Variants in MTHFD1L observed in about 807,000 individuals in gnomAD.
MTHFD1L encodes methylenetetrahydrofolate dehydrogenase (NADP+ dependent) 1 like.
MTHFD1L carries 81 observed loss-of-function variants against 119.5 expected under a neutral mutation model. That is an observed-to-expected ratio of 0.68 (90% CI 0.57 to 0.82). The LOEUF (loss-of-function observed/expected upper bound fraction) is 0.82. MTHFD1L is among the 40% of genes least tolerant of loss of function. The pLI is 0.00. For missense variants in MTHFD1L, 1,125 were observed against 1,253.4 expected, an observed-to-expected ratio of 0.90 and a Z score of 1.55; for synonymous variants, 430 against 475.2, an observed-to-expected ratio of 0.90 and a Z score of 1.24.
intron 24 of MTHFD1L, among the ~76,000 whole-genome samples, chr6:151,033,247 G>T (rs1785608545): frequency 6.6e-6 from 1 of 151,932 alleles, no homozygotes; most frequent in African/African-American, 2.4e-5. Context: ...AGCCTCCTGA[G>T]TAGCTGGGAT....
At chr6:150,870,416 G>A (rs1779192956) in intron 1 of MTHFD1L, among the ~76,000 whole-genome samples, 2 of 152,052 alleles carry the variant, frequency 1.3e-5, no homozygotes, top group African/African-American at 4.8e-5. Flanking sequence ...TATTAGCTTG[G>A]GTGGTAGTAG....
intron 27 of MTHFD1L, among the ~76,000 whole-genome samples, chr6:151,096,256 G>A (rs1427650943): frequency 1.3e-4 from 20 of 152,302 alleles, no homozygotes; most frequent in Non-Finnish European, 1.5e-5. Context: ...AATAGAGCCA[G>A]CTCTTTCCTA....
At chr6:151,008,385 C>T (rs1699062816) in intron 20 of MTHFD1L, among the ~76,000 whole-genome samples, 1 of 152,214 alleles carries the variant, frequency 6.6e-6, no homozygotes, top group Admixed American at 6.5e-5. Flanking sequence ...TGTATTAACT[C>T]AGTAGTATTC....
intron 26 of MTHFD1L, among the ~76,000 whole-genome samples, chr6:151,056,992 T>G: frequency 6.6e-6 from 1 of 152,198 alleles, no homozygotes; most frequent in East Asian, 1.9e-4. Flanking sequence ...ATTTGTATTT[T>G]GGGGTTTTTT....
intron 27 of MTHFD1L, chr6:151,099,758 T>C: frequency 6.2e-7 from 1 of 1,609,522 alleles, no homozygotes; most frequent in Non-Finnish European, 8.5e-7. Flanking sequence ...CGGAAGTTCC[T>C]GGTCCACAAC....
intron 26 of MTHFD1L, among the ~76,000 whole-genome samples, chr6:151,068,779 A>G (rs1051647126): frequency 6.6e-6 from 1 of 152,236 alleles, no homozygotes; most frequent in Non-Finnish European, 1.5e-5. Context: ...AGCTTTCTTC[A>G]GTAGGCACGA....
At chr6:150,961,654 A>C (rs903364270) in intron 18 of MTHFD1L, among the ~76,000 whole-genome samples, 1 of 152,204 alleles carries the variant, frequency 6.6e-6, no homozygotes, top group African/African-American at 2.4e-5. Context: ...ATTCTTTTTC[A>C]AAGTGTCCGG....
chr6:150,888,676 G>C (rs965757765), intron 7 of MTHFD1L, among the ~76,000 whole-genome samples: 3 of 152,132 alleles, frequency 2.0e-5, no homozygotes, highest in Non-Finnish European at 4.4e-5. Context: ...AAATCCAAAT[G>C]GAAGCATAAA....
At chr6:150,939,955 G>C (rs1263561787) in intron 13 of MTHFD1L, among the ~76,000 whole-genome samples, 1 of 152,008 alleles carries the variant, frequency 6.6e-6, no homozygotes, top group Non-Finnish European at 1.5e-5. Flanking sequence ...AAAGTGTTAG[G>C]ATTACAGGCG....
At chr6:150,871,870 A>T (rs1779590250) in intron 1 of MTHFD1L, among the ~76,000 whole-genome samples, 1 of 148,484 alleles carries the variant, frequency 6.7e-6, no homozygotes, top group South Asian at 2.1e-4. Context: ...ATTTTATTTT[A>T]ATTTAATTTT....
intron 15 of MTHFD1L, among the ~76,000 whole-genome samples, chr6:150,947,524 G>A (rs1794180138): frequency 6.6e-6 from 1 of 152,034 alleles, no homozygotes; most frequent in East Asian, 1.9e-4. Context: ...TTGAGCCCAG[G>A]AGTTCATGAC....
intron 11 of MTHFD1L, among the ~76,000 whole-genome samples, chr6:150,932,596 C>G (rs768806314): frequency 1.3e-4 from 19 of 151,990 alleles, no homozygotes; most frequent in Admixed American, 7.9e-4. Flanking sequence ...AAGGTGAAAC[C>G]CCGTCTCTAC....
At chr6:151,051,622 C>T (rs1486929228) in intron 26 of MTHFD1L, among the ~76,000 whole-genome samples, 4 of 152,122 alleles carry the variant, frequency 2.6e-5, no homozygotes, top group Admixed American at 2.6e-4. Context: ...AGACACATCA[C>T]AAGGGAGTGA....
At chr6:150,956,163 C>A in intron 17 of MTHFD1L, 92 bp downstream of exon 17, 5 of 1,296,430 alleles carry the variant, frequency 3.9e-6, no homozygotes, top group Non-Finnish European at 4.5e-6. Context: ...TGTCTCATCC[C>A]CAACCTGTTG....
chr6:150,930,678 C>A (rs1167508968), intron 11 of MTHFD1L, among the ~76,000 whole-genome samples: 2 of 151,746 alleles, frequency 1.3e-5, no homozygotes, highest in African/African-American at 4.8e-5. Context: ...TTCAAATACC[C>A]AAGTAATTTT....
intron 20 of MTHFD1L, among the ~76,000 whole-genome samples, chr6:150,992,865 A>G (rs1465873889): frequency 6.6e-6 from 1 of 152,204 alleles, no homozygotes; most frequent in African/African-American, 2.4e-5. Flanking sequence ...ACCCAGAGAC[A>G]TGAACAGTGC....
intron 25 of MTHFD1L, among the ~76,000 whole-genome samples, chr6:151,035,820 A>C (rs968837790): frequency 6.6e-6 from 1 of 152,122 alleles, no homozygotes; most frequent in Non-Finnish European, 1.5e-5. Flanking sequence ...TTTCTTTTTA[A>C]TATGCCTACT....
chr6:150,919,262 C>T (rs182445513), intron 9 of MTHFD1L, among the ~76,000 whole-genome samples: 10 of 151,978 alleles, frequency 6.6e-5, no homozygotes, highest in Admixed American at 4.6e-4. Flanking sequence ...CTCACTTTGT[C>T]ACCCAGGCTG....
chr6:150,982,794 G>A (rs1777726287), intron 20 of MTHFD1L, among the ~76,000 whole-genome samples: 2 of 151,794 alleles, frequency 1.3e-5, no homozygotes, highest in African/African-American at 2.4e-5. Flanking sequence ...CCACCTCCCA[G>A]GTTCAAGCAA....
Sources: gnomAD v4.1 joint callset for allele counts (sites outside exome capture counted in the v4.1 genomes callset) on GRCh38, gnomAD v4.1.1 for gene constraint, MANE v1.5 for transcripts, NCBI Gene and HGNC (gene_info 2026-07-23, HGNC 2026-07-21) for gene names.